The following PEX14 variants were observed in gnomAD, a reference collection of about 807,000 sequenced individuals.
PEX14 encodes the protein peroxisomal membrane protein PEX14.
In PEX14, 15 loss-of-function variants were observed where a neutral mutation model predicts 49.5. The ratio of observed to expected loss-of-function variants is 0.30; its 90% CI spans 0.20 to 0.47. PEX14 has a LOEUF of 0.47. Ranked by LOEUF, PEX14 falls within the 20% of genes least tolerant of loss-of-function variation. The pLI is 1.00. For synonymous variants in PEX14, 210 were observed against 212.7 expected, an observed-to-expected ratio of 0.99 and a Z score of 0.11; for missense variants, 398 against 494.8, an observed-to-expected ratio of 0.80 and a Z score of 1.86.
At chr1:10,542,272 A>C (rs1639039635) in intron 3 of PEX14, among the ~76,000 whole-genome samples, 1 of 152,322 alleles carries the variant, frequency 6.6e-6, no homozygotes, top group East Asian at 1.9e-4. Context: ...ATCTATCCAC[A>C]TGAAAGCATG....
intron 4 of PEX14, among the ~76,000 whole-genome samples, chr1:10,610,575 G>A (rs974930522): frequency 1.3e-5 from 2 of 151,468 alleles, no homozygotes; most frequent in African/African-American, 2.4e-5. Context: ...TCTGCCTCCC[G>A]GGTGGGTTCA....
rs1230362202 is a variant in PEX14 at position 10,539,550 on chromosome 1, T to C, written c.169+3253T>C. ...CATCAACTGCGGAGTCAGCCACACATCAAGATAATTGGACTGTGTGTGGGG... is the reference window on the plus strand; with the variant it reads ...CATCAACTGCGGAGTCAGCCACACACCAAGATAATTGGACTGTGTGTGGGG... On this transcript the variant is annotated intron_variant, in intron 3 of 8. Transcript: ENST00000356607. This position sits in a 1 kb window ranked among gnomAD's most constrained non-coding sequence, Gnocchi z 4.6. Among the ~76,000 whole-genome samples the C allele has an allele frequency of 6.0e-5, 9 of 149,262 alleles. No individual in the cohort carries two copies. The highest frequency in any genetic ancestry group is 1.3e-4 in the Non-Finnish European group (9 of 67,250).
At chr1:10,507,882 T>C (rs1641814399) in intron 2 of PEX14, among the ~76,000 whole-genome samples, 1 of 152,236 alleles carries the variant, frequency 6.6e-6, no homozygotes, top group South Asian at 2.1e-4. Context: ...TTCACCTGCT[T>C]TGAAGATAAG....
chr1:10,601,833 G>A (rs927947399), intron 4 of PEX14, among the ~76,000 whole-genome samples: 14 of 152,324 alleles, frequency 9.2e-5, no homozygotes, highest in African/African-American at 3.4e-4. Flanking sequence ...TTGTGTCCCT[G>A]GGCCCAGCCG....
rs12408145 is a variant in PEX14, at chr1:10,587,919, T to A, written c.170-11319T>A. Among the ~76,000 whole-genome samples, 649 of 66,854 alleles carry A rather than the reference T, an allele frequency of 9.7e-3. 3 individuals are homozygous for A. Among genetic ancestry groups the A allele is most frequent in the African/African-American group, 0.021 (381 of 18,388 alleles). 43.9% of individuals were successfully genotyped at this position (66,854 alleles called of 152,430 possible). ...GCTTTTTTTTTTTTTTTTTTTTTTT[T>A]TAAAAAAAAAAGAGATGGAGTCTTG... On this transcript the variant is annotated intron_variant, in intron 3 of 8. Transcript: ENST00000356607.
At chr1:10,596,858 A>G (rs1417402179) in intron 3 of PEX14, among the ~76,000 whole-genome samples, 2 of 152,244 alleles carry the variant, frequency 1.3e-5, no homozygotes. Context: ...TTCAGCCAAT[A>G]TAAATTTTGA....
chr1:10,555,650 T>TGTGTGTGTGC (rs1393058967), intron 3 of PEX14, among the ~76,000 whole-genome samples: 2 of 147,448 alleles, frequency 1.4e-5, no homozygotes, highest in Non-Finnish European at 2.9e-5. Context: ...TGAGTGTGTG[T>TGTGTGTGTGC]GTGTGTGTGT....
At chr1:10,593,440 G>A (rs891594413) in intron 3 of PEX14, among the ~76,000 whole-genome samples, 1 of 152,062 alleles carries the variant, frequency 6.6e-6, no homozygotes, top group African/African-American at 2.4e-5. Context: ...CCTCATTTAA[G>A]GAGAGGGGAA....
intron 3 of PEX14, among the ~76,000 whole-genome samples, chr1:10,575,432 G>A (rs1640092908): frequency 6.6e-6 from 1 of 152,058 alleles, no homozygotes; most frequent in Non-Finnish European, 1.5e-5. Flanking sequence ...CACATAAAAT[G>A]GAATATTTAA....
At position 10,617,609 on chromosome 1, in the gene PEX14, C is replaced by T. The variant is rs374076066; in HGVS notation, c.299-723C>T. Among the ~76,000 whole-genome samples, 55 of 152,234 alleles carry T rather than the reference C, an allele frequency of 3.6e-4. No homozygotes were observed. The East Asian group carries it at 3.7e-3, about 10-fold the overall frequency. Reference sequence around the variant, plus strand: ...AGGCCCAGGGTGCTCACCTGGTCTACACCCACCTACCGTCTCTCTTTTGTG... The same window carrying T: ...AGGCCCAGGGTGCTCACCTGGTCTATACCCACCTACCGTCTCTCTTTTGTG... On this transcript the variant is annotated intron_variant, in intron 4 of 8. Coordinates refer to ENST00000356607, the MANE Select transcript of PEX14 (RefSeq NM_004565.3).
At chr1:10,519,077 G>C (rs1371903296) in intron 2 of PEX14, among the ~76,000 whole-genome samples, 1 of 152,166 alleles carries the variant, frequency 6.6e-6, no homozygotes, top group Non-Finnish European at 1.5e-5. Context: ...TTGTCCAACA[G>C]GGGGTGAATG....
In PEX14 at chr1:10,514,332, G is replaced by A. The variant is rs1046890802; in HGVS notation, c.84+19011G>A. On this transcript the variant is annotated intron_variant, in intron 2 of 8. Coordinates refer to ENST00000356607, the MANE Select transcript of PEX14 (RefSeq NM_004565.3). The surrounding 1 kb of genome is among the most constrained non-coding windows in gnomAD (Gnocchi z 4.4). ...TGTGCATCTGTATGTGTGTATGTGCGAGCGCCTGTGTACGCACGTGGTCGT... is the reference window on the plus strand; with the variant it reads ...TGTGCATCTGTATGTGTGTATGTGCAAGCGCCTGTGTACGCACGTGGTCGT... Among the ~76,000 whole-genome samples, 3 of 152,124 alleles carry A rather than the reference G, an allele frequency of 2.0e-5. No homozygotes were observed. In the South Asian group the frequency reaches 6.2e-4, roughly 32 times the overall value.
chr1:10,536,033 C>T lies in PEX14; in HGVS notation c.85-180C>T, dbSNP rs960793024. On this transcript the variant is annotated intron_variant, in intron 2 of 8. Transcript: ENST00000356607. Reference sequence around the variant, plus strand: ...CTCAGATACAGGAAGCCAGTGAAGACAGGGAAACAACATCGCCTTTCATTT... The same window carrying T: ...CTCAGATACAGGAAGCCAGTGAAGATAGGGAAACAACATCGCCTTTCATTT... The T allele has an allele frequency of 5.0e-5, 31 of 619,164 alleles. No individual in the cohort carries two copies. The East Asian group carries it at 9.2e-4, about 18-fold the overall frequency. 38.4% of individuals were successfully genotyped at this position (619,164 alleles called of 1,614,324 possible). A position where few individuals can be genotyped will look rare whatever the true frequency, so the allele number is the denominator to read the frequency against.
chr1:10,598,438 T>C (rs1411430522), intron 3 of PEX14, among the ~76,000 whole-genome samples: 2 of 152,214 alleles, frequency 1.3e-5, no homozygotes, highest in African/African-American at 4.8e-5. Flanking sequence ...GCGGCCTTCA[T>C]GGGTTTTCAT....
chr1:10,601,517 T>C (rs1433926239), intron 4 of PEX14, among the ~76,000 whole-genome samples: 1 of 152,154 alleles, frequency 6.6e-6, no homozygotes, highest in Non-Finnish European at 1.5e-5. Context: ...TTACGGATCT[T>C]ATTTAGAGAT....
intron 3 of PEX14, among the ~76,000 whole-genome samples, chr1:10,577,784 T>TA (rs59163005): frequency 0.15 from 22,962 of 148,628 alleles, 2,088 homozygotes; most frequent in South Asian, 0.31. Context: ...GTATTTTTTT[T>TA]AGTAGAGACG....
chr1:10,543,995 G>A (rs1260890361), intron 3 of PEX14, among the ~76,000 whole-genome samples: 1 of 152,210 alleles, frequency 6.6e-6, no homozygotes, highest in African/African-American at 2.4e-5. Context: ...CCACAAAGAT[G>A]GTCCTGCTGA....
rs570092332 is a variant in PEX14 at position 10,562,387 on chromosome 1, C to T, written c.169+26090C>T. On this transcript the variant is annotated intron_variant, in intron 3 of 8. Coordinates refer to ENST00000356607, the MANE Select transcript of PEX14 (RefSeq NM_004565.3). ...AAGAAAAAGATTTTTTTCTAGCCCA[C>T]CATCTAATCCATGATCGTGAGTTGC... Among the ~76,000 whole-genome samples, 5 of 152,172 alleles carry T rather than the reference C, an allele frequency of 3.3e-5. No individual in the cohort carries two copies. The South Asian group carries it at 1.0e-3, about 32-fold the overall frequency.
intron 2 of PEX14, among the ~76,000 whole-genome samples, chr1:10,518,547 A>G (rs1183792589): frequency 6.6e-6 from 1 of 152,190 alleles, no homozygotes; most frequent in Non-Finnish European, 1.5e-5. Context: ...TGGGAAATCC[A>G]CGGGTGAACC....
Sources: gnomAD v4.1 joint callset for allele counts (sites outside exome capture counted in the v4.1 genomes callset) on GRCh38, gnomAD v4.1.1 for gene constraint, Gnocchi (gnomAD v3.1) non-coding constraint, MANE v1.5 for transcripts, NCBI Gene and HGNC (gene_info 2026-07-23, HGNC 2026-07-21) for gene names.